Variants in SNTG1 observed in about 807,000 individuals in gnomAD.
SNTG1 encodes gamma-1-syntrophin.
SNTG1 carries 39 observed loss-of-function variants against 74.7 expected under a neutral mutation model. That is an observed-to-expected ratio of 0.52 (90% CI 0.40 to 0.68). SNTG1 has a LOEUF of 0.68. Ranked by LOEUF, SNTG1 falls within the 30% of genes least tolerant of loss-of-function variation. The pLI, the probability that SNTG1 is intolerant of heterozygous loss-of-function variation, is 0.00. For missense variants in SNTG1, 685 were observed against 609.5 expected (o/e 1.12, Z -1.30); for synonymous variants, 254 against 217.1 (o/e 1.17, Z -1.49).
chr8:50,525,617 T>G (rs2094213822), intron 9 of SNTG1, among the ~76,000 whole-genome samples: 1 of 152,000 alleles, frequency 6.6e-6, no homozygotes, highest in Non-Finnish European at 1.5e-5. Flanking sequence ...CTTTTTCTTC[T>G]GCTTGATAAA....
intron 2 of SNTG1, among the ~76,000 whole-genome samples, chr8:50,254,011 G>T (rs567424229): frequency 6.6e-6 from 1 of 152,074 alleles, no homozygotes; most frequent in Admixed American, 6.6e-5. Context: ...TTAACAGTAA[G>T]GTATTATATA....
At chr8:50,751,959 A>G (rs781428207) in intron 17 of SNTG1, 42 bp from the exon 18 acceptor site, 2 of 1,231,304 alleles carry the variant, frequency 1.6e-6, no homozygotes, top group African/African-American at 3.3e-5. Flanking sequence ...GAAAGCAGAT[A>G]TTAATTCCAC....
intron 2 of SNTG1, among the ~76,000 whole-genome samples, chr8:50,329,105 G>T (rs1156897337): frequency 6.6e-6 from 1 of 152,146 alleles, no homozygotes; most frequent in Non-Finnish European, 1.5e-5. Context: ...CTCACATCCA[G>T]GTCACACTGA....
At chr8:50,128,441 A>G (rs2081213856) in intron 1 of SNTG1, among the ~76,000 whole-genome samples, 1 of 152,192 alleles carries the variant, frequency 6.6e-6, no homozygotes, top group Non-Finnish European at 1.5e-5. Flanking sequence ...AGCAATTTAA[A>G]AAGCATTCAT....
chr8:49,910,280 C>T (rs932969989), upstream of SNTG1, among the ~76,000 whole-genome samples: 1 of 152,020 alleles, frequency 6.6e-6, no homozygotes, highest in Non-Finnish European at 1.5e-5. Context: ...AGTGTTGCGC[C>T]CCGCCCCTCC....
At chr8:50,164,092 C>CTTTTTTTTTTTTTTTTTTTTTTTTTT (rs3086088) in intron 1 of SNTG1, 2 of 71,984 alleles carry the variant, frequency 2.8e-5, no homozygotes, top group East Asian at 5.8e-4. Flanking sequence ...GACACAATTT[C>CTTTTTTTTTTTTTTTTTTTTTTTTTT]TTTTTTTTTT....
At chr8:49,914,335 T>A (rs914569853) in intron 1 of SNTG1, among the ~76,000 whole-genome samples, 3 of 149,572 alleles carry the variant, frequency 2.0e-5, no homozygotes, top group Admixed American at 6.8e-5. Flanking sequence ...GTCTTGGGAG[T>A]ACCAAACACA....
At chr8:50,052,952 A>G (rs1017166931) in intron 1 of SNTG1, among the ~76,000 whole-genome samples, 53 of 152,166 alleles carry the variant, frequency 3.5e-4, no homozygotes, top group African/African-American at 1.3e-3. Context: ...GAACACTCTT[A>G]TATTGCTGGG....
chr8:50,759,934 G>A (rs186853704), intron 18 of SNTG1, among the ~76,000 whole-genome samples: 7 of 152,094 alleles, frequency 4.6e-5, no homozygotes, highest in African/African-American at 1.7e-4. Flanking sequence ...ATTACTTTGG[G>A]CATGTGGCCA....
At chr8:50,568,019 G>T (rs946697442) in intron 12 of SNTG1, among the ~76,000 whole-genome samples, 5 of 151,774 alleles carry the variant, frequency 3.3e-5, no homozygotes, top group East Asian at 1.9e-4. Context: ...CCTTCCCCAG[G>T]TTCTGGTAAC....
At chr8:49,984,384 T>C (rs1812962267) in intron 1 of SNTG1, among the ~76,000 whole-genome samples, 1 of 152,086 alleles carries the variant, frequency 6.6e-6, no homozygotes. Context: ...TTTGTATTTT[T>C]AGTAGAGACG....
chr8:50,146,205 C>T (rs2081858414), intron 1 of SNTG1, among the ~76,000 whole-genome samples: 1 of 151,820 alleles, frequency 6.6e-6, no homozygotes, highest in Admixed American at 6.6e-5. Context: ...TTTCAAGTTA[C>T]TTGGATAAAT....
chr8:50,151,690 G>A (rs2082075399), intron 1 of SNTG1, among the ~76,000 whole-genome samples: 1 of 152,142 alleles, frequency 6.6e-6, no homozygotes, highest in Non-Finnish European at 1.5e-5. Flanking sequence ...TCATGAGCAG[G>A]TTGTTCAGTT....
intron 9 of SNTG1, among the ~76,000 whole-genome samples, chr8:50,527,469 A>G (rs757144031): frequency 1.3e-5 from 2 of 151,968 alleles, no homozygotes; most frequent in Non-Finnish European, 2.9e-5. Flanking sequence ...TACATCTTAT[A>G]TTTTTGTGCA....
At chr8:50,460,229 G>T (rs2131675881) in intron 8 of SNTG1, among the ~76,000 whole-genome samples, 1 of 152,278 alleles carries the variant, frequency 6.6e-6, no homozygotes, top group Non-Finnish European at 1.5e-5. Flanking sequence ...TTTCTTTGAT[G>T]ATTAGTGATG....
intron 2 of SNTG1, among the ~76,000 whole-genome samples, chr8:50,370,678 C>T (rs1358281454): frequency 1.3e-5 from 2 of 152,090 alleles, no homozygotes; most frequent in Non-Finnish European, 2.9e-5. Flanking sequence ...TGCCATTTCT[C>T]TCCAGAGCCA....
intron 2 of SNTG1, among the ~76,000 whole-genome samples, chr8:50,177,591 A>G (rs901069452): frequency 1.3e-5 from 2 of 152,228 alleles, no homozygotes; most frequent in African/African-American, 4.8e-5. Flanking sequence ...AAAAGCACAG[A>G]GGCAAATGTT....
At chr8:50,359,121 A>G (rs1417104279) in intron 2 of SNTG1, among the ~76,000 whole-genome samples, 1 of 152,188 alleles carries the variant, frequency 6.6e-6, no homozygotes, top group Non-Finnish European at 1.5e-5. Flanking sequence ...TCATAACTGA[A>G]GCTGTCAACC....
chr8:50,620,923 A>C (rs113278275), intron 13 of SNTG1, among the ~76,000 whole-genome samples: 5,722 of 152,264 alleles, frequency 0.038, 181 homozygotes, highest in African/African-American at 0.076. Flanking sequence ...GGATGATAGA[A>C]AGCAGGATCT....
Sources: allele counts gnomAD v4.1 joint callset (sites outside exome capture counted in the v4.1 genomes callset), GRCh38; gene constraint gnomAD v4.1.1; transcripts MANE v1.5; gene names NCBI Gene and HGNC (gene_info 2026-07-23, HGNC 2026-07-21).